KCTD1: variants seen among roughly 807,000 people sequenced by gnomAD.
The protein encoded by KCTD1 is BTB/POZ domain-containing protein KCTD1.
KCTD1 carries 24 observed loss-of-function variants against 66.0 expected under a neutral mutation model. The observed-to-expected ratio is 0.36, with a 90% CI of 0.26 to 0.51. The LOEUF (loss-of-function observed/expected upper bound fraction) is 0.51. KCTD1 is among the 20% of genes least tolerant of loss of function. KCTD1 has a pLI of 0.95. For synonymous variants in KCTD1, 511 were observed against 517.2 expected, an observed-to-expected ratio of 0.99 and a Z score of 0.16; for missense variants, 943 against 1,205.2, an observed-to-expected ratio of 0.78 and a Z score of 3.22.
At chr18:26,549,083 T>C (rs1435541812), upstream of KCTD1, 20 of 984,452 alleles carry the variant, frequency 2.0e-5, no homozygotes, top group Non-Finnish European at 2.2e-5. Context: ...GGGAAACCCG[T>C]GTCTGGGGCC....
intron 3 of KCTD1, among the ~76,000 whole-genome samples, chr18:26,464,047 C>G (rs1389813846): frequency 1.3e-5 from 2 of 152,174 alleles, no homozygotes; most frequent in African/African-American, 4.8e-5. Context: ...AGAAAATATC[C>G]TCCCTAGAGG....
At chr18:26,561,457 C>G (rs1246753094) in intron 1 of KCTD1, among the ~76,000 whole-genome samples, 2 of 152,136 alleles carry the variant, frequency 1.3e-5, no homozygotes, top group Non-Finnish European at 2.9e-5. Context: ...GCCCATGTCT[C>G]CAGGTGCCTA....
chr18:26,571,852 C>T (rs1986114974), intron 1 of KCTD1, among the ~76,000 whole-genome samples: 1 of 152,000 alleles, frequency 6.6e-6, no homozygotes, highest in Non-Finnish European at 1.5e-5. Flanking sequence ...TAAAAGGTGT[C>T]TACGTGTATA....
chr18:26,614,869 C>T (rs555841642), intron 1 of KCTD1, among the ~76,000 whole-genome samples: 3 of 152,244 alleles, frequency 2.0e-5, no homozygotes, highest in Admixed American at 1.3e-4. Flanking sequence ...AGTTATGTAC[C>T]GTGAAAGTGT....
At chr18:26,649,612 G>A (rs1376062461) in intron 1 of KCTD1, among the ~76,000 whole-genome samples, 2 of 152,090 alleles carry the variant, frequency 1.3e-5, no homozygotes, top group Admixed American at 6.5e-5. Flanking sequence ...GGGTTCAAGC[G>A]ATTCTTCTGC....
chr18:26,619,607 AT>A (rs1987328856), intron 1 of KCTD1, among the ~76,000 whole-genome samples: 1 of 152,050 alleles, frequency 6.6e-6, no homozygotes, highest in Non-Finnish European at 1.5e-5. Flanking sequence ...TTCAGGTCTC[AT>A]TTTTCTAGGC....
chr18:26,593,549 CGAGGAG>C (rs1288982067), intron 1 of KCTD1, among the ~76,000 whole-genome samples: 1 of 43,894 alleles, frequency 2.3e-5, no homozygotes, highest in African/African-American at 1.0e-4. Context: ...AGGAAGAAGA[CGAGGAG>C]GAGGAGGAGG....
intron 1 of KCTD1, among the ~76,000 whole-genome samples, chr18:26,594,986 C>G (rs1274018654): frequency 2.0e-5 from 3 of 152,002 alleles, no homozygotes; most frequent in Admixed American, 2.0e-4. Flanking sequence ...TTTCCTCTCC[C>G]CCAACTCCTC....
chr18:26,554,796 A>G (rs141485846), intron 1 of KCTD1, among the ~76,000 whole-genome samples: 3 of 152,344 alleles, frequency 2.0e-5, no homozygotes, highest in Non-Finnish European at 4.4e-5. Flanking sequence ...TACAAGAGAA[A>G]TGTAGTTTTC....
upstream of KCTD1, among the ~76,000 whole-genome samples, chr18:26,552,836 TA>T (rs1346769494): frequency 1.3e-5 from 2 of 152,250 alleles, no homozygotes; most frequent in East Asian, 3.9e-4. Context: ...AAAAAGCATT[TA>T]GTTCATCATT....
rs10594272 is a variant in KCTD1 at position 26,620,348 on chromosome 18, TAA to T, written c.-16+8797_-16+8798del. Among the ~76,000 whole-genome samples, 482 of 86,986 alleles carry T rather than the reference TAA, an allele frequency of 5.5e-3. 5 individuals carry two copies. Among genetic ancestry groups the T allele is most frequent in the African/African-American group, 0.02 (368 of 18,032 alleles). 57.1% of individuals were successfully genotyped at this position (86,986 alleles called of 152,430 possible). A position where few individuals can be genotyped will look rare whatever the true frequency, so the allele number is the denominator to read the frequency against. ...GTTTGCATTTGCTGAAGGTAAATCTTAAAAAAAAAAAAAAAAAAAAAAAAAAA... is the reference window on the plus strand; with the variant it reads ...GTTTGCATTTGCTGAAGGTAAATCTTAAAAAAAAAAAAAAAAAAAAAAAAA... On this transcript the variant is annotated intron_variant, in intron 1 of 4. Coordinates refer to the KCTD1 transcript ENST00000317932.
chr18:26,626,005 G>A (rs905627135), intron 1 of KCTD1, among the ~76,000 whole-genome samples: 1 of 152,132 alleles, frequency 6.6e-6, no homozygotes, highest in Non-Finnish European at 1.5e-5. Flanking sequence ...CCTGGATGAT[G>A]TACATATGGA....
In KCTD1 at chr18:26,548,146, G is replaced by GCTCCTC; in HGVS notation, c.390_391insGAGGAG (p.Ala130_Leu131insGluGlu). ...AGTCGCGGCGGCGCCTCGGGCTCCA[G>GCTCCTC]CGCGGCGCTCTGGTCCATATTGATC... is the stretch of plus-strand genomic sequence containing the variant. On this transcript the variant is annotated inframe_insertion, in exon 1 of 5. Coordinates refer to ENST00000580059, the MANE Select transcript of KCTD1 (RefSeq NM_001142730.3). 1 of 1,351,406 alleles carries GCTCCTC rather than the reference G, an allele frequency of 7.4e-7. No individual in the cohort carries two copies. Among genetic ancestry groups the GCTCCTC allele is most frequent in the Non-Finnish European group, 9.5e-7 (1 of 1,057,748 alleles). 83.7% of individuals were successfully genotyped at this position (1,351,406 alleles called of 1,614,324 possible). A position where few individuals can be genotyped will look rare whatever the true frequency, so the allele number is the denominator to read the frequency against.
chr18:26,488,866 G>C (rs540389413), intron 2 of KCTD1, among the ~76,000 whole-genome samples: 1 of 152,164 alleles, frequency 6.6e-6, no homozygotes, highest in African/African-American at 2.4e-5. Flanking sequence ...CTGATACCAC[G>C]TCTTGAATAG....
At chr18:26,559,228 A>G (rs1985786768) in intron 1 of KCTD1, among the ~76,000 whole-genome samples, 1 of 152,228 alleles carries the variant, frequency 6.6e-6, no homozygotes, top group Non-Finnish European at 1.5e-5. Context: ...ATTTAACTGT[A>G]TATTTTAAAA....
intron 3 of KCTD1, among the ~76,000 whole-genome samples, chr18:26,473,207 C>T (rs976922897): frequency 6.6e-6 from 1 of 152,078 alleles, no homozygotes; most frequent in African/African-American, 2.4e-5. Context: ...TATTGGAAAT[C>T]GCTCCTTGGA....
intron 2 of KCTD1, among the ~76,000 whole-genome samples, chr18:26,481,563 T>C (rs975701705): frequency 6.6e-6 from 1 of 152,144 alleles, no homozygotes; most frequent in Non-Finnish European, 1.5e-5. Context: ...TCAAGGGCAA[T>C]AGCGACTGGT....
intron 1 of KCTD1, among the ~76,000 whole-genome samples, chr18:26,600,490 T>TGGG (rs201966909): frequency 6.6e-6 from 1 of 151,134 alleles, no homozygotes; most frequent in South Asian, 2.1e-4. Context: ...TGAAGCTGGC[T>TGGG]GGGGGGGGTG....
chr18:26,589,592 G>T (rs915503585), intron 1 of KCTD1, among the ~76,000 whole-genome samples: 4 of 152,160 alleles, frequency 2.6e-5, no homozygotes, highest in Non-Finnish European at 5.9e-5. Flanking sequence ...AAAGTATCTT[G>T]GCTACTGTGG....
Sources: allele counts gnomAD v4.1 joint callset (sites outside exome capture counted in the v4.1 genomes callset), GRCh38; gene constraint gnomAD v4.1.1; transcripts MANE v1.5; gene names NCBI Gene and HGNC (gene_info 2026-07-23, HGNC 2026-07-21).